RTN1: variants seen among roughly 807,000 people sequenced by gnomAD.
RTN1 encodes the protein reticulon-1.
In RTN1, 25 loss-of-function variants were observed where a neutral mutation model predicts 65.5. The observed-to-expected ratio is 0.38, with a 90% CI of 0.28 to 0.53. RTN1 has a LOEUF of 0.53. Among genes scored for constraint, RTN1 ranks in the 20% least tolerant of loss-of-function variants. The pLI is 0.79. For missense variants in RTN1, 983 were observed against 1,025.4 expected, an observed-to-expected ratio of 0.96 and a Z score of 0.57; for synonymous variants, 471 against 447.6, an observed-to-expected ratio of 1.05 and a Z score of -0.66.
At chr14:59,632,075 C>T (rs755367367) in intron 3 of RTN1, among the ~76,000 whole-genome samples, 15 of 152,148 alleles carry the variant, frequency 9.9e-5, no homozygotes, top group Non-Finnish European at 1.9e-4. Flanking sequence ...CTTTAAAATA[C>T]GATCTTTGGG....
At chr14:59,732,111 T>A (rs1406968427) in intron 2 of RTN1, among the ~76,000 whole-genome samples, 1 of 152,184 alleles carries the variant, frequency 6.6e-6, no homozygotes, top group Non-Finnish European at 1.5e-5. Context: ...GCAGGCATTG[T>A]TCAAGAGTGA....
chr14:59,819,573 G>C (rs1341052048), intron 1 of RTN1, among the ~76,000 whole-genome samples: 4 of 151,910 alleles, frequency 2.6e-5, no homozygotes, highest in Non-Finnish European at 5.9e-5. Flanking sequence ...GGGTGGAGCT[G>C]CCCACCAGTT....
At chr14:59,738,386 A>C (rs145372503) in intron 2 of RTN1, among the ~76,000 whole-genome samples, 6 of 152,390 alleles carry the variant, frequency 3.9e-5, no homozygotes, top group Non-Finnish European at 8.8e-5. Flanking sequence ...ACATGCAGAC[A>C]ACAAACATGA....
chr14:59,824,702 T>A (rs527945430), intron 1 of RTN1, among the ~76,000 whole-genome samples: 1 of 152,308 alleles, frequency 6.6e-6, no homozygotes, highest in Non-Finnish European at 1.5e-5. Flanking sequence ...TCCCAAATAG[T>A]TTTAGGTACT....
At chr14:59,787,531 T>C (rs1886273012) in intron 1 of RTN1, among the ~76,000 whole-genome samples, 1 of 152,222 alleles carries the variant, frequency 6.6e-6, no homozygotes, top group South Asian at 2.1e-4. Context: ...GCAGCAGAAG[T>C]GCAGGCCTGA....
In RTN1 at chr14:59,829,081, T is replaced by A. The variant is rs1566740719; in HGVS notation, c.241+41309A>T. 1.3e-5 allele frequency among the ~76,000 whole-genome samples: 2 copies of A among 152,170 alleles called. No individual in the cohort carries two copies. Among genetic ancestry groups the A allele is most frequent in the African/African-American group, 4.8e-5 (2 of 41,446 alleles). ...TGGACTTTAGGACACTTAACCCCTCTAAGTCTCCAGATGAGCTGCTTACTT... is the reference window on the plus strand; with the variant it reads ...TGGACTTTAGGACACTTAACCCCTCAAAGTCTCCAGATGAGCTGCTTACTT... On this transcript the variant is annotated intron_variant, in intron 1 of 8. Transcript: ENST00000267484. The surrounding 1 kb of genome is among the most constrained non-coding windows in gnomAD (Gnocchi z 4.3).
intron 1 of RTN1, among the ~76,000 whole-genome samples, chr14:59,830,151 C>T (rs983560000): frequency 1.3e-5 from 2 of 152,200 alleles, no homozygotes; most frequent in Non-Finnish European, 2.9e-5. Context: ...CCTGCTGTTA[C>T]AATTCCTTCC....
intron 3 of RTN1, among the ~76,000 whole-genome samples, chr14:59,611,237 T>G (rs1376314412): frequency 6.6e-6 from 1 of 152,136 alleles, no homozygotes; most frequent in African/African-American, 2.4e-5. Flanking sequence ...CCCTTGTGGC[T>G]ACCTGCCTGT....
At chr14:59,723,153 A>G (rs1884681682) in intron 3 of RTN1, among the ~76,000 whole-genome samples, 1 of 152,178 alleles carries the variant, frequency 6.6e-6, no homozygotes, top group Admixed American at 6.5e-5. Context: ...TACAACAAAT[A>G]TACATTACTT....
At position 59,790,756 on chromosome 14, in the gene RTN1, T is replaced by C. The variant is rs924107421; in HGVS notation, c.242-44275A>G. Reference sequence around the variant, plus strand: ...CATTTGTTCTATTTCCTACCCCAGATATACTGATTTTTCTTTGGCTGTATC... The same window carrying C: ...CATTTGTTCTATTTCCTACCCCAGACATACTGATTTTTCTTTGGCTGTATC... On this transcript the variant is annotated intron_variant, in intron 1 of 8. Coordinates refer to ENST00000267484, the MANE Select transcript of RTN1 (RefSeq NM_021136.3). The surrounding 1 kb of genome is among the most constrained non-coding windows in gnomAD (Gnocchi z 4.1). 2.0e-5 allele frequency among the ~76,000 whole-genome samples: 3 copies of C among 152,166 alleles called. No homozygotes were observed. Among genetic ancestry groups the C allele is most frequent in the Non-Finnish European group, 4.4e-5 (3 of 68,030 alleles).
chr14:59,796,411 T>C (rs975548838), intron 1 of RTN1, among the ~76,000 whole-genome samples: 1 of 152,210 alleles, frequency 6.6e-6, no homozygotes, highest in Non-Finnish European at 1.5e-5. Flanking sequence ...TATGTATCAA[T>C]ATAGCACTGT....
chr14:59,623,701 T>G (rs1882316735), intron 3 of RTN1, among the ~76,000 whole-genome samples: 1 of 152,234 alleles, frequency 6.6e-6, no homozygotes. Context: ...CATCCCTTCT[T>G]AAAACCCATC....
chr14:59,689,896 A>G (rs1883924578), intron 3 of RTN1, among the ~76,000 whole-genome samples: 1 of 152,220 alleles, frequency 6.6e-6, no homozygotes, highest in African/African-American at 2.4e-5. Flanking sequence ...TAAAGCAGCT[A>G]CACAATAGAA....
At chr14:59,605,532 A>G in intron 4 of RTN1, 26 bp from the exon 5 acceptor site, 1 of 1,612,322 alleles carries the variant, frequency 6.2e-7, no homozygotes. Context: ...TCCCACAGAA[A>G]ATTCCGTCAG....
chr14:59,597,623 G>A (rs1881443323), intron 8 of RTN1, among the ~76,000 whole-genome samples: 1 of 152,206 alleles, frequency 6.6e-6, no homozygotes, highest in Non-Finnish European at 1.5e-5. Flanking sequence ...GAATTGAGGA[G>A]ACAGAAATAA....
intron 1 of RTN1, among the ~76,000 whole-genome samples, chr14:59,765,386 G>C (rs543228091): frequency 6.6e-6 from 1 of 152,302 alleles, no homozygotes; most frequent in Admixed American, 6.5e-5. Context: ...AATTTATACA[G>C]GCTAAAGAAT....
At chr14:59,671,202 A>G (rs930238057) in intron 3 of RTN1, among the ~76,000 whole-genome samples, 3 of 152,232 alleles carry the variant, frequency 2.0e-5, no homozygotes, top group African/African-American at 7.2e-5. Context: ...GAAAAAAAAG[A>G]GAAAATGTTG....
chr14:59,837,889 C>A lies in RTN1; in HGVS notation c.241+32501G>T, dbSNP rs1168910818. ...ACCGGAGTCTTCAGCAAGTCATAAT[C>A]TTTTTGCTGGTGGATGGTCTTGCCT... On this transcript the variant is annotated intron_variant, in intron 1 of 8. Coordinates refer to ENST00000267484, the MANE Select transcript of RTN1 (RefSeq NM_021136.3). Among the ~76,000 whole-genome samples the A allele has an allele frequency of 2.0e-5, 3 of 151,878 alleles. No homozygotes were observed. The East Asian group carries it at 5.8e-4, about 29-fold the overall frequency.
At chr14:59,649,221 C>T (rs529016329) in intron 3 of RTN1, among the ~76,000 whole-genome samples, 2 of 152,280 alleles carry the variant, frequency 1.3e-5, no homozygotes, top group South Asian at 4.1e-4. Context: ...AAAACTGAAA[C>T]TGGACACCTT....
Sources: allele counts gnomAD v4.1 joint callset (sites outside exome capture counted in the v4.1 genomes callset), GRCh38; gene constraint gnomAD v4.1.1; non-coding constraint Gnocchi (gnomAD v3.1); transcripts MANE v1.5; gene names NCBI Gene and HGNC (gene_info 2026-07-23, HGNC 2026-07-21).